NEGR1: variants seen among roughly 807,000 people sequenced by gnomAD.
NEGR1 encodes neuronal growth regulator 1.
A neutral mutation model predicts 40.9 loss-of-function variants in NEGR1; 10 were observed. That is an observed-to-expected ratio of 0.24 (90% CI 0.15 to 0.42). The LOEUF is 0.42. Among genes scored for constraint, NEGR1 ranks in the 10% least tolerant of loss-of-function variants. NEGR1 has a pLI of 1.00. For missense variants in NEGR1, 352 were observed against 438.9 expected, an observed-to-expected ratio of 0.80 and a Z score of 1.77; for synonymous variants, 185 against 166.8, an observed-to-expected ratio of 1.11 and a Z score of -0.84.
At chr1:71,554,503 G>A (rs1299420124) in intron 6 of NEGR1, among the ~76,000 whole-genome samples, 1 of 151,364 alleles carries the variant, frequency 6.6e-6, no homozygotes, top group Non-Finnish European at 1.5e-5. Context: ...GGAAGAATGA[G>A]ACACTTAATT....
At chr1:72,152,519 G>C (rs963975626) in intron 1 of NEGR1, among the ~76,000 whole-genome samples, 6 of 151,964 alleles carry the variant, frequency 3.9e-5, no homozygotes, top group African/African-American at 9.7e-5. Flanking sequence ...AATGCTTATA[G>C]ACTGTTGTTG....
chr1:72,042,331 A>T (rs1445185814), intron 1 of NEGR1, among the ~76,000 whole-genome samples: 1 of 151,804 alleles, frequency 6.6e-6, no homozygotes, highest in Non-Finnish European at 1.5e-5. Context: ...ACTGCACCTT[A>T]CAAAACTACC....
At chr1:71,839,319 T>A (rs1659154919) in intron 2 of NEGR1, among the ~76,000 whole-genome samples, 1 of 149,448 alleles carries the variant, frequency 6.7e-6, no homozygotes, top group Non-Finnish European at 1.5e-5. Flanking sequence ...TTCTCCTGCC[T>A]CAGCCTCCCG....
chr1:71,894,863 A>G (rs989672187), intron 2 of NEGR1, among the ~76,000 whole-genome samples: 1 of 152,140 alleles, frequency 6.6e-6, no homozygotes, highest in African/African-American at 2.4e-5. Context: ...TGCTATAATC[A>G]TGCCTGTGAA....
At chr1:71,489,779 C>G (rs1357697742) in intron 6 of NEGR1, 6 of 151,654 alleles carry the variant, frequency 4.0e-5, no homozygotes, top group Admixed American at 4.0e-4. Flanking sequence ...AGTTTCCATT[C>G]AAGCCAATTT....
chr1:71,707,628 T>C (rs971712794), intron 3 of NEGR1, among the ~76,000 whole-genome samples: 3 of 152,074 alleles, frequency 2.0e-5, no homozygotes, highest in African/African-American at 2.4e-5. Flanking sequence ...TTGCTGACTA[T>C]AGAGCCCCAG....
At chr1:71,836,878 G>C (rs1659052197) in intron 2 of NEGR1, 1 of 151,938 alleles carries the variant, frequency 6.6e-6, no homozygotes, top group African/African-American at 2.4e-5. Context: ...TACATTTAAA[G>C]ACATTTCTAA....
chr1:71,873,029 A>T (rs1660323334), intron 2 of NEGR1, among the ~76,000 whole-genome samples: 1 of 151,162 alleles, frequency 6.6e-6, no homozygotes. Context: ...TGACTCAGAC[A>T]TACTATTTCT....
chr1:72,252,171 T>TCTCGGCTCACCACAACCTCCATCTCCCG (rs1553153926), intron 1 of NEGR1, among the ~76,000 whole-genome samples: 8 of 147,828 alleles, frequency 5.4e-5, no homozygotes, highest in African/African-American at 1.9e-4. Context: ...AATGGGGCGA[T>TCTCGGCTCACCACAACCTCCATCTCCCG]GTAGCTGGGA....
chr1:72,005,607 T>C (rs1032576247), intron 1 of NEGR1, among the ~76,000 whole-genome samples: 9 of 152,190 alleles, frequency 5.9e-5, no homozygotes, highest in African/African-American at 2.2e-4. Flanking sequence ...CAAATAGCTT[T>C]TGCGCATTTT....
intron 6 of NEGR1, among the ~76,000 whole-genome samples, chr1:71,527,505 A>G (rs1647233798): frequency 6.6e-6 from 1 of 151,526 alleles, no homozygotes; most frequent in Non-Finnish European, 1.5e-5. Context: ...AATTTTGTTT[A>G]GTAAATAAAT....
intron 2 of NEGR1, among the ~76,000 whole-genome samples, chr1:71,898,470 C>T (rs1352942658): frequency 6.6e-6 from 1 of 152,044 alleles, no homozygotes; most frequent in African/African-American, 2.4e-5. Context: ...GAAAAATTAG[C>T]CGGGCGTAGT....
intron 3 of NEGR1, among the ~76,000 whole-genome samples, chr1:71,716,948 TC>T (rs984751251): frequency 6.6e-6 from 1 of 151,942 alleles, no homozygotes; most frequent in South Asian, 2.1e-4. Flanking sequence ...AAGAACTGCC[TC>T]CCCCCACCAT....
In NEGR1 at chr1:71,418,470, C is replaced by T. The variant is rs558905146; in HGVS notation, c.941-10900G>A. 2.0e-4 allele frequency among the ~76,000 whole-genome samples: 31 copies of T among 152,006 alleles called. No individual in the cohort carries two copies. The Middle Eastern group carries it at 0.014, about 67-fold the overall frequency. On this transcript the variant is annotated intron_variant, in intron 6 of 6. Transcript: ENST00000357731. ...CTGGGACTACAGGTGCCCGCCACCA[C>T]GGCCGTCTAATTTTTTGTAGTTTTA...
intron 4 of NEGR1, among the ~76,000 whole-genome samples, chr1:71,639,053 C>T (rs907947696): frequency 4.0e-5 from 6 of 151,826 alleles, no homozygotes; most frequent in Non-Finnish European, 7.4e-5. Context: ...TTCATATACT[C>T]ACATGAGAGC....
At chr1:71,415,739 G>A (rs924819098) in intron 6 of NEGR1, among the ~76,000 whole-genome samples, 2 of 152,022 alleles carry the variant, frequency 1.3e-5, no homozygotes, top group African/African-American at 4.8e-5. Context: ...CTCTATTTTA[G>A]AAACTCAGAA....
At position 72,044,565 on chromosome 1, in the gene NEGR1, C is replaced by A. The variant is rs143746116; in HGVS notation, c.177-109254G>T. ...TATTCAAGCAGCTTATAATGCTAAG[C>A]ACAATTAGATTGGACTGAATCATTA... On this transcript the variant is annotated intron_variant, in intron 1 of 6. Transcript: ENST00000357731. Among the ~76,000 whole-genome samples the A allele has an allele frequency of 2.4e-4, 36 of 151,744 alleles. No individual in the cohort carries two copies. In the East Asian group the frequency reaches 6.8e-3, roughly 29 times the overall value.
intron 1 of NEGR1, among the ~76,000 whole-genome samples, chr1:71,999,268 T>C (rs1205701384): frequency 6.6e-6 from 1 of 151,914 alleles, no homozygotes; most frequent in Non-Finnish European, 1.5e-5. Context: ...GAGTTCAACT[T>C]TGAATAGGAT....
intron 1 of NEGR1, among the ~76,000 whole-genome samples, chr1:71,985,916 G>A (rs777590346): frequency 4.6e-5 from 7 of 152,138 alleles, no homozygotes; most frequent in Non-Finnish European, 8.8e-5. Context: ...CAACCACCAG[G>A]GTTTCTCATA....
Sources: allele counts gnomAD v4.1 joint callset (sites outside exome capture counted in the v4.1 genomes callset), GRCh38; gene constraint gnomAD v4.1.1; transcripts MANE v1.5; gene names NCBI Gene and HGNC (gene_info 2026-07-23, HGNC 2026-07-21).